The following ZCCHC7 variants were observed in gnomAD, a reference collection of about 807,000 sequenced individuals.
The protein encoded by ZCCHC7 is zinc finger CCHC-type containing 7, also known as zinc finger CCHC domain-containing protein 7.
In ZCCHC7, 35 loss-of-function variants were observed where a neutral mutation model predicts 52.0. The observed-to-expected ratio is 0.67, with a 90% CI of 0.51 to 0.89. The LOEUF is 0.89. Among genes scored for constraint, ZCCHC7 ranks in the 40% least tolerant of loss-of-function variants. The probability of loss-of-function intolerance (pLI) is 0.00; values close to 1 mark genes in which losing one functional copy is unlikely to be tolerated. For missense variants in ZCCHC7, 574 were observed against 649.1 expected (o/e 0.88, Z 1.26); for synonymous variants, 217 against 221.5 (o/e 0.98, Z 0.18).
At chr9:37,250,067 G>A (rs140358955) in intron 2 of ZCCHC7, among the ~76,000 whole-genome samples, 34 of 152,306 alleles carry the variant, frequency 2.2e-4, no homozygotes, top group Admixed American at 7.8e-4. Context: ...TATCCTCATA[G>A]TTAGCAAGAC....
chr9:37,163,766 A>C (rs1405161686), intron 2 of ZCCHC7, among the ~76,000 whole-genome samples: 4 of 152,218 alleles, frequency 2.6e-5, no homozygotes, highest in Admixed American at 6.5e-5. Context: ...ACTAAAGGTC[A>C]TAGATAATTT....
At chr9:37,168,961 A>G (rs937669377) in intron 2 of ZCCHC7, among the ~76,000 whole-genome samples, 2 of 152,170 alleles carry the variant, frequency 1.3e-5, no homozygotes, top group Non-Finnish European at 2.9e-5. Flanking sequence ...TAATAATTTA[A>G]TTTTAAAAGT....
intron 2 of ZCCHC7, among the ~76,000 whole-genome samples, chr9:37,151,157 G>A (rs1016614237): frequency 6.6e-6 from 1 of 151,788 alleles, no homozygotes; most frequent in Non-Finnish European, 1.5e-5. Context: ...TAGCAGAGAC[G>A]GGGTTTCACC....
At chr9:37,176,266 G>A (rs180748568) in intron 2 of ZCCHC7, among the ~76,000 whole-genome samples, 84 of 152,192 alleles carry the variant, frequency 5.5e-4, no homozygotes, top group Non-Finnish European at 9.1e-4. Flanking sequence ...GTAGAGACGG[G>A]GTTTCACCGT....
At chr9:37,344,031 A>G (rs1344346510) in intron 6 of ZCCHC7, among the ~76,000 whole-genome samples, 1 of 152,168 alleles carries the variant, frequency 6.6e-6, no homozygotes, top group Non-Finnish European at 1.5e-5. Context: ...ATGTAAAACC[A>G]GCTGGGCACA....
chr9:37,268,975 A>G (rs1357310493), intron 2 of ZCCHC7, among the ~76,000 whole-genome samples: 2 of 152,240 alleles, frequency 1.3e-5, no homozygotes, highest in Non-Finnish European at 2.9e-5. Context: ...ATGGAGGCCA[A>G]GGAAGGCTTT....
At chr9:37,187,674 G>A (rs991286099) in intron 2 of ZCCHC7, among the ~76,000 whole-genome samples, 1 of 152,188 alleles carries the variant, frequency 6.6e-6, no homozygotes, top group East Asian at 1.9e-4. Flanking sequence ...AAGATCTGTG[G>A]ATATCTGATT....
At chr9:37,308,722 T>G (rs540399091) in intron 5 of ZCCHC7, among the ~76,000 whole-genome samples, 1 of 152,236 alleles carries the variant, frequency 6.6e-6, no homozygotes, top group South Asian at 2.1e-4. Flanking sequence ...GGCTCACACT[T>G]GTAATCCTAG....
intron 2 of ZCCHC7, among the ~76,000 whole-genome samples, chr9:37,265,747 T>G (rs1827075265): frequency 6.6e-6 from 1 of 152,212 alleles, no homozygotes; most frequent in African/African-American, 2.4e-5. Context: ...CAGCGACCAT[T>G]TTCCTTTTTC....
At chr9:37,193,734 T>C (rs1449949496) in intron 2 of ZCCHC7, among the ~76,000 whole-genome samples, 2 of 152,164 alleles carry the variant, frequency 1.3e-5, no homozygotes, top group East Asian at 3.8e-4. Context: ...GTTTCTATCC[T>C]CAGCAAGGAA....
intron 2 of ZCCHC7, among the ~76,000 whole-genome samples, chr9:37,140,251 T>G (rs1008673119): frequency 6.6e-6 from 1 of 151,950 alleles, no homozygotes; most frequent in African/African-American, 2.4e-5. Flanking sequence ...AAGGAGGATT[T>G]TAATAGCTAA....
intron 6 of ZCCHC7, among the ~76,000 whole-genome samples, chr9:37,331,006 C>T (rs1309541884): frequency 6.6e-6 from 1 of 151,634 alleles, no homozygotes; most frequent in South Asian, 2.1e-4. Flanking sequence ...TGTTAAGAAT[C>T]GAAAAGGACA....
Position 37,254,472 on chromosome 9 carries a change from CA to C in ZCCHC7, c.611-47707del, listed in dbSNP as rs200558011. ...TCATTTTGAGGATCCCAGACTCCCA[CA>C]AAAAAAAAGATGAGAGTGGGGTGTT... On this transcript the variant is annotated intron_variant, in intron 2 of 8. Transcript: ENST00000336755. Among the ~76,000 whole-genome samples, 9 of 148,514 alleles carry C rather than the reference CA, an allele frequency of 6.1e-5. No homozygotes were observed. In the South Asian group the frequency reaches 8.5e-4, roughly 14 times the overall value.
intron 8 of ZCCHC7, among the ~76,000 whole-genome samples, chr9:37,355,321 C>T (rs1821629185): frequency 6.6e-6 from 1 of 152,218 alleles, no homozygotes; most frequent in Non-Finnish European, 1.5e-5. Flanking sequence ...TGTTCTTTAT[C>T]ACCAAATTAA....
At chr9:37,240,802 A>T (rs1165610738) in intron 2 of ZCCHC7, among the ~76,000 whole-genome samples, 1 of 151,834 alleles carries the variant, frequency 6.6e-6, no homozygotes, top group Non-Finnish European at 1.5e-5. Flanking sequence ...TTTCTAGCTA[A>T]AAGGCCATCA....
Position 37,124,057 on chromosome 9 carries a change from G to C in ZCCHC7, c.-21-2255G>C, listed in dbSNP as rs184434347. Among the ~76,000 whole-genome samples the C allele has an allele frequency of 2.6e-5, 4 of 152,230 alleles. No homozygotes were observed. The East Asian group carries it at 7.7e-4, about 29-fold the overall frequency. On this transcript the variant is annotated intron_variant, in intron 1 of 8. Transcript: ENST00000336755. The stretch of plus-strand genomic sequence containing the variant: ...TCCATTTGGTTTTTGGGATTAAGGT[G>C]GTTCTATTACCAGAACTACCACCAC...
intron 5 of ZCCHC7, among the ~76,000 whole-genome samples, chr9:37,320,449 T>C (rs1291435369): frequency 2.0e-5 from 3 of 152,192 alleles, no homozygotes; most frequent in African/African-American, 7.2e-5. Context: ...AATTCTAGAA[T>C]CACCTTGTCT....
At chr9:37,249,456 C>CTTTTTTTTT (rs60166399) in intron 2 of ZCCHC7, among the ~76,000 whole-genome samples, 46 of 111,246 alleles carry the variant, frequency 4.1e-4, no homozygotes, top group Non-Finnish European at 5.1e-4. Flanking sequence ...CTTCTTCTTC[C>CTTTTTTTTT]TTTTTTTTTT....
intron 2 of ZCCHC7, among the ~76,000 whole-genome samples, chr9:37,141,664 TTAAA>T (rs1309790293): frequency 1.3e-5 from 2 of 151,920 alleles, no homozygotes; most frequent in African/African-American, 4.8e-5. Flanking sequence ...AATCTTTAAT[TTAAA>T]TATTATTGTA....
Sources: allele counts gnomAD v4.1 joint callset (sites outside exome capture counted in the v4.1 genomes callset), GRCh38; gene constraint gnomAD v4.1.1; transcripts MANE v1.5; gene names NCBI Gene and HGNC (gene_info 2026-07-23, HGNC 2026-07-21).